The following GRIK4 variants were observed in gnomAD, a reference collection of about 807,000 sequenced individuals.
GRIK4 encodes glutamate receptor ionotropic, kainate 4.
A neutral mutation model predicts 104.9 loss-of-function variants in GRIK4; 40 were observed. The observed-to-expected ratio is 0.38, with a 90% CI of 0.30 to 0.50. The LOEUF is 0.50. Among genes scored for constraint, GRIK4 ranks in the 20% least tolerant of loss-of-function variants. The probability of loss-of-function intolerance (pLI) is 0.93; values close to 1 mark genes in which losing one functional copy is unlikely to be tolerated. For synonymous variants in GRIK4, 485 were observed against 524.9 expected (o/e 0.92, Z 1.04); for missense variants, 1,047 against 1,308.1 (o/e 0.80, Z 3.08).
chr11:120,685,212 C>T (rs1950257035), intron 3 of GRIK4, among the ~76,000 whole-genome samples: 2 of 152,192 alleles, frequency 1.3e-5, no homozygotes, highest in South Asian at 4.1e-4. Flanking sequence ...GAGCTTTAGT[C>T]TAGTTCATTG....
At position 120,747,373 on chromosome 11, in the gene GRIK4, G is replaced by C. The variant is rs554320382; in HGVS notation, c.83-55320G>C. Among the ~76,000 whole-genome samples, 8 of 152,292 alleles carry C rather than the reference G, an allele frequency of 5.3e-5. No individual in the cohort carries two copies. The South Asian group carries it at 1.5e-3, about 28-fold the overall frequency. ...AGCCAGACCTGCGCATCCCCAGCCT[G>C]TCTTGACTTGCCCCAGTCTCCTCCC... On this transcript the variant is annotated intron_variant, in intron 3 of 20. Coordinates refer to ENST00000527524, the MANE Select transcript of GRIK4 (RefSeq NM_014619.5).
At chr11:120,725,601 C>G (rs1951015236) in intron 3 of GRIK4, among the ~76,000 whole-genome samples, 1 of 152,172 alleles carries the variant, frequency 6.6e-6, no homozygotes, top group South Asian at 2.1e-4. Context: ...TCTGGCATCT[C>G]ATTGCTTGGA....
At chr11:120,904,022 T>C (rs1320723611) in intron 12 of GRIK4, among the ~76,000 whole-genome samples, 1 of 152,230 alleles carries the variant, frequency 6.6e-6, no homozygotes, top group African/African-American at 2.4e-5. Context: ...TGGCTGCTTC[T>C]GTGTTGTCTT....
intron 9 of GRIK4, 87 bp downstream of exon 9, chr11:120,862,207 T>C (rs1199035590): frequency 6.0e-6 from 7 of 1,169,820 alleles, no homozygotes; most frequent in Non-Finnish European, 7.4e-6. Context: ...ACACATCTTC[T>C]TGGAGTCCAG....
intron 9 of GRIK4, among the ~76,000 whole-genome samples, chr11:120,862,920 A>C (rs4512872): frequency 0.29 from 43,694 of 151,938 alleles, 6,547 homozygotes; most frequent in Admixed American, 0.4. Flanking sequence ...TTGTGATGCT[A>C]ACTCCAACTT....
chr11:120,848,905 A>G (rs1953912003), intron 8 of GRIK4, among the ~76,000 whole-genome samples: 1 of 152,116 alleles, frequency 6.6e-6, no homozygotes, highest in Non-Finnish European at 1.5e-5. Context: ...GGGTGTGAGA[A>G]CAGAATGGAT....
chr11:120,802,671 C>G lies in GRIK4; in HGVS notation c.83-22C>G, dbSNP rs548605764. On this transcript the variant is annotated intron_variant, in intron 3 of 20. Coordinates refer to ENST00000527524, the MANE Select transcript of GRIK4 (RefSeq NM_014619.5). ...AGTAGCGGTGGAGTACCAATTGTCT[C>G]CATGTGGTTGCCTGCCCACAGCTGC... 4.4e-5 allele frequency: 71 copies of G among 1,607,600 alleles called. 1 individual carries two copies. In the Middle Eastern group the frequency reaches 5.8e-4, roughly 13 times the overall value.
intron 1 of GRIK4, among the ~76,000 whole-genome samples, chr11:120,611,443 C>T (rs971480337): frequency 6.6e-6 from 1 of 152,044 alleles, no homozygotes; most frequent in Non-Finnish European, 1.5e-5. Context: ...CATGCATGCA[C>T]GTGTGTGTGT....
intron 3 of GRIK4, among the ~76,000 whole-genome samples, chr11:120,743,837 T>C (rs755068286): frequency 6.6e-6 from 1 of 152,240 alleles, no homozygotes; most frequent in Non-Finnish European, 1.5e-5. Flanking sequence ...ATTTATAAAA[T>C]GGGAGCAATA....
chr11:120,575,268 C>T (rs1948466500), intron 1 of GRIK4, among the ~76,000 whole-genome samples: 2 of 152,164 alleles, frequency 1.3e-5, no homozygotes, highest in Non-Finnish European at 2.9e-5. Flanking sequence ...CTGTGGCGGG[C>T]TCATGGTGCC....
chr11:120,803,367 A>G (rs1408578006), intron 4 of GRIK4, among the ~76,000 whole-genome samples: 1 of 152,206 alleles, frequency 6.6e-6, no homozygotes, highest in Non-Finnish European at 1.5e-5. Context: ...CAGTTTCTAC[A>G]TCTTTAAAAT....
At chr11:120,856,286 T>C (rs183759792) in intron 8 of GRIK4, among the ~76,000 whole-genome samples, 32 of 152,348 alleles carry the variant, frequency 2.1e-4, no homozygotes, top group Admixed American at 2.0e-3. Context: ...CTCTTTCTAA[T>C]ACATGCTACT....
chr11:120,789,625 T>A (rs1393055922), intron 3 of GRIK4, among the ~76,000 whole-genome samples: 1 of 152,154 alleles, frequency 6.6e-6, no homozygotes, highest in Non-Finnish European at 1.5e-5. Context: ...AGCCCTCCTC[T>A]TGTCCCTCGG....
intron 1 of GRIK4, among the ~76,000 whole-genome samples, chr11:120,604,943 G>A (rs1948939974): frequency 6.6e-6 from 1 of 152,186 alleles, no homozygotes; most frequent in Non-Finnish European, 1.5e-5. Context: ...GCTCACTACA[G>A]CCTCTACCTT....
chr11:120,751,931 A>G (rs1170792684), intron 3 of GRIK4, among the ~76,000 whole-genome samples: 1 of 152,068 alleles, frequency 6.6e-6, no homozygotes, highest in Non-Finnish European at 1.5e-5. Flanking sequence ...AATCTGTACC[A>G]CCAGCTTGCG....
intron 3 of GRIK4, among the ~76,000 whole-genome samples, chr11:120,694,855 A>G (rs1950416168): frequency 1.3e-5 from 2 of 152,208 alleles, no homozygotes. Context: ...AGAAGAAGAC[A>G]GGCAAGCAAC....
chr11:120,762,959 A>G (rs1951774577), intron 3 of GRIK4, among the ~76,000 whole-genome samples: 1 of 152,190 alleles, frequency 6.6e-6, no homozygotes, highest in South Asian at 2.1e-4. Flanking sequence ...CTGGGCTCAT[A>G]AAATGAGATA....
intron 3 of GRIK4, among the ~76,000 whole-genome samples, chr11:120,698,384 C>T (rs1381458945): frequency 6.6e-6 from 1 of 152,260 alleles, no homozygotes; most frequent in African/African-American, 2.4e-5. Context: ...GGTCTGTCTT[C>T]AGCCACTGCT....
intron 2 of GRIK4, among the ~76,000 whole-genome samples, chr11:120,656,695 C>T (rs1488104657): frequency 6.6e-6 from 1 of 152,150 alleles, no homozygotes; most frequent in Non-Finnish European, 1.5e-5. Context: ...GTCCCATCTC[C>T]ACTAAAAAAT....
Sources: gnomAD v4.1 joint callset for allele counts (sites outside exome capture counted in the v4.1 genomes callset) on GRCh38, gnomAD v4.1.1 for gene constraint, MANE v1.5 for transcripts, NCBI Gene and HGNC (gene_info 2026-07-23, HGNC 2026-07-21) for gene names.